Variants in CSMD1 observed in about 807,000 individuals in gnomAD.
The protein encoded by CSMD1 is CUB and sushi domain-containing protein 1.
A neutral mutation model predicts 417.5 loss-of-function variants in CSMD1; 213 were observed. The observed-to-expected ratio is 0.51, with a 90% CI of 0.46 to 0.57. CSMD1 has a LOEUF of 0.57. CSMD1 is among the 20% of genes least tolerant of loss of function. The probability of loss-of-function intolerance (pLI) is 0.00; values close to 1 mark genes in which losing one functional copy is unlikely to be tolerated. For missense variants in CSMD1, 6,923 were observed against 4,529.7 expected (o/e 1.53, Z -15.17); for synonymous variants, 2,862 against 1,736.8 (o/e 1.65, Z -16.11).
At chr8:3,981,260 G>T (rs141301980) in intron 5 of CSMD1, among the ~76,000 whole-genome samples, 4 of 152,052 alleles carry the variant, frequency 2.6e-5, no homozygotes, top group South Asian at 4.1e-4. Flanking sequence ...ACCAAACATC[G>T]TATGTACTCA....
chr8:3,026,592 G>A (rs1434865648), intron 51 of CSMD1, among the ~76,000 whole-genome samples: 1 of 151,882 alleles, frequency 6.6e-6, no homozygotes, highest in African/African-American at 2.4e-5. Flanking sequence ...GGCTTGACTG[G>A]GCCTCACTGG....
At chr8:4,134,215 T>G (rs1803282117) in intron 3 of CSMD1, among the ~76,000 whole-genome samples, 1 of 152,208 alleles carries the variant, frequency 6.6e-6, no homozygotes, top group Admixed American at 6.5e-5. Flanking sequence ...CCTTACACGC[T>G]GAATTGTGTC....
At chr8:3,403,223 T>C (rs533978319) in intron 15 of CSMD1, among the ~76,000 whole-genome samples, 6 of 152,340 alleles carry the variant, frequency 3.9e-5, no homozygotes, top group Admixed American at 1.3e-4. Context: ...ATAAGAGTAT[T>C]CTGTAAGGGA....
chr8:4,534,028 A>T (rs765904921), intron 2 of CSMD1, among the ~76,000 whole-genome samples: 15 of 151,816 alleles, frequency 9.9e-5, no homozygotes, highest in Non-Finnish European at 1.8e-4. Context: ...TAAACAGAAC[A>T]GTCTTCCAAT....
chr8:4,468,688 T>C lies in CSMD1; in HGVS notation c.303-48623A>G, dbSNP rs80003577. On this transcript the variant is annotated intron_variant, in intron 2 of 69. Transcript: ENST00000635120. Reference sequence around the variant, plus strand: ...CTCCTCCCCTGGACTGTATGTATCATAACAAGAGTGTTTAGCATAATTCAA... The same window carrying C: ...CTCCTCCCCTGGACTGTATGTATCACAACAAGAGTGTTTAGCATAATTCAA... Among the ~76,000 whole-genome samples, 1,391 of 152,278 alleles carry C rather than the reference T, an allele frequency of 9.1e-3. 13 individuals are homozygous for C. Among genetic ancestry groups the C allele is most frequent in the Non-Finnish European group, 0.015 (1,041 of 68,006 alleles).
intron 3 of CSMD1, among the ~76,000 whole-genome samples, chr8:4,105,719 T>C (rs561299318): frequency 1.3e-5 from 2 of 152,176 alleles, no homozygotes; most frequent in Non-Finnish European, 2.9e-5. Flanking sequence ...CATGGCAAGA[T>C]CAACCCACAG....
At chr8:3,393,564 C>G (rs898333672) in intron 17 of CSMD1, among the ~76,000 whole-genome samples, 2 of 152,014 alleles carry the variant, frequency 1.3e-5, no homozygotes, top group Non-Finnish European at 2.9e-5. Flanking sequence ...CCCACTTTCA[C>G]AATAGCAAAG....
chr8:4,929,490 C>A (rs922163094), intron 1 of CSMD1, among the ~76,000 whole-genome samples: 3 of 152,096 alleles, frequency 2.0e-5, no homozygotes, highest in African/African-American at 7.2e-5. Context: ...AAATGAGATG[C>A]TGGATATTTC....
intron 26 of CSMD1, among the ~76,000 whole-genome samples, chr8:3,274,892 T>C: frequency 6.6e-6 from 1 of 152,174 alleles, no homozygotes; most frequent in Non-Finnish European, 1.5e-5. Context: ...AGTTTGCCAG[T>C]CTGTGTCTTT....
chr8:3,598,698 T>C (rs1267190277), intron 8 of CSMD1, among the ~76,000 whole-genome samples: 3 of 152,176 alleles, frequency 2.0e-5, no homozygotes, highest in African/African-American at 4.8e-5. Flanking sequence ...TTGCCTTGGA[T>C]GCTAAAAACC....
At chr8:4,957,991 T>C (rs1809234486) in intron 1 of CSMD1, among the ~76,000 whole-genome samples, 1 of 152,204 alleles carries the variant, frequency 6.6e-6, no homozygotes, top group Non-Finnish European at 1.5e-5. Context: ...TCCATAATTG[T>C]GTGATGTCAA....
At chr8:4,253,289 T>A (rs892230703) in intron 3 of CSMD1, among the ~76,000 whole-genome samples, 2 of 152,176 alleles carry the variant, frequency 1.3e-5, no homozygotes, top group African/African-American at 2.4e-5. Context: ...AAATTAGACA[T>A]TCTCTCTTCA....
At chr8:3,701,239 G>C (rs527528606) in intron 7 of CSMD1, among the ~76,000 whole-genome samples, 2 of 152,258 alleles carry the variant, frequency 1.3e-5, no homozygotes, top group South Asian at 2.1e-4. Context: ...ATCCACCTCA[G>C]TCCATTCTGG....
intron 18 of CSMD1, among the ~76,000 whole-genome samples, chr8:3,383,645 GAAT>G (rs1810782251): frequency 1.3e-5 from 2 of 152,070 alleles, no homozygotes; most frequent in South Asian, 4.2e-4. Context: ...AACAACTCCA[GAAT>G]AAAAGACTTA....
At chr8:3,145,923 T>C (rs1818816153) in intron 40 of CSMD1, among the ~76,000 whole-genome samples, 1 of 152,242 alleles carries the variant, frequency 6.6e-6, no homozygotes, top group Admixed American at 6.5e-5. Flanking sequence ...TTTTTGCCTT[T>C]GGCATTGACA....
intron 5 of CSMD1, among the ~76,000 whole-genome samples, chr8:3,913,769 G>T (rs901880192): frequency 6.6e-6 from 1 of 152,100 alleles, no homozygotes; most frequent in African/African-American, 2.4e-5. Flanking sequence ...TTCTTAAAGA[G>T]ATAAACAACT....
At chr8:4,898,923 G>A (rs1192352514) in intron 1 of CSMD1, among the ~76,000 whole-genome samples, 6 of 152,092 alleles carry the variant, frequency 3.9e-5, no homozygotes, top group Non-Finnish European at 8.8e-5. Context: ...TAGATTTAGA[G>A]ATAATGAATT....
chr8:4,902,342 C>G (rs903246303), intron 1 of CSMD1, among the ~76,000 whole-genome samples: 1 of 150,458 alleles, frequency 6.6e-6, no homozygotes, highest in African/African-American at 2.4e-5. Flanking sequence ...GAGACTGAGG[C>G]AGAAGGATTG....
chr8:4,364,144 C>G (rs987872937), intron 3 of CSMD1, among the ~76,000 whole-genome samples: 1 of 152,192 alleles, frequency 6.6e-6, no homozygotes, highest in East Asian at 1.9e-4. Flanking sequence ...GTATCAAAAT[C>G]TCTCTTGTAC....
Sources: gnomAD v4.1 joint callset for allele counts (sites outside exome capture counted in the v4.1 genomes callset) on GRCh38, gnomAD v4.1.1 for gene constraint, MANE v1.5 for transcripts, NCBI Gene and HGNC (gene_info 2026-07-23, HGNC 2026-07-21) for gene names.